Variants in PARD3 observed in about 807,000 individuals in gnomAD.
PARD3 encodes the protein par-3 family cell polarity regulator.
A neutral mutation model predicts 155.4 loss-of-function variants in PARD3; 75 were observed. The ratio of observed to expected loss-of-function variants is 0.48; its 90% CI spans 0.40 to 0.58. The LOEUF (loss-of-function observed/expected upper bound fraction) is 0.58, where lower values mean the gene tolerates loss of function less well. Among genes scored for constraint, PARD3 ranks in the 20% least tolerant of loss-of-function variants. The probability of loss-of-function intolerance (pLI) is 0.00; values close to 1 mark genes in which losing one functional copy is unlikely to be tolerated. For synonymous variants in PARD3, 576 were observed against 610.5 expected (o/e 0.94, Z 0.83); for missense variants, 1,642 against 1,721.7 (o/e 0.95, Z 0.82).
At chr10:34,298,489 C>G (rs1262746340) in intron 20 of PARD3, among the ~76,000 whole-genome samples, 2 of 152,150 alleles carry the variant, frequency 1.3e-5, no homozygotes, top group African/African-American at 4.8e-5. Flanking sequence ...TGAAATCAAT[C>G]AATGGCAAGA....
intron 1 of PARD3, among the ~76,000 whole-genome samples, chr10:34,787,461 C>T (rs867771729): frequency 1.3e-5 from 2 of 152,130 alleles, no homozygotes; most frequent in South Asian, 2.1e-4. Context: ...AAGTTACCCA[C>T]GTCCGTAAGA....
chr10:34,437,897 AT>A (rs2076268348), intron 5 of PARD3, among the ~76,000 whole-genome samples: 1 of 152,242 alleles, frequency 6.6e-6, no homozygotes, highest in Non-Finnish European at 1.5e-5. Flanking sequence ...AACATCTTAA[AT>A]ATTTAATTAA....
chr10:34,639,949 A>G (rs553088144), intron 2 of PARD3, among the ~76,000 whole-genome samples: 1 of 152,350 alleles, frequency 6.6e-6, no homozygotes, highest in East Asian at 1.9e-4. Context: ...CACCTAGCAC[A>G]TGGGTTATAT....
intron 2 of PARD3, among the ~76,000 whole-genome samples, chr10:34,654,445 C>A (rs2093108935): frequency 6.6e-6 from 1 of 152,214 alleles, no homozygotes; most frequent in African/African-American, 2.4e-5. Context: ...CAACAGAATC[C>A]AAACTCTCTG....
chr10:34,728,814 G>A (rs1295707976), intron 1 of PARD3, among the ~76,000 whole-genome samples: 1 of 152,156 alleles, frequency 6.6e-6, no homozygotes, highest in African/African-American at 2.4e-5. Flanking sequence ...TAATATTCTA[G>A]GTTTCATATC....
intron 22 of PARD3, among the ~76,000 whole-genome samples, chr10:34,237,261 T>C (rs1370457034): frequency 6.6e-6 from 1 of 152,236 alleles, no homozygotes; most frequent in Admixed American, 6.5e-5. Context: ...GTTTAAGCAC[T>C]ACACTGCCTA....
intron 3 of PARD3, among the ~76,000 whole-genome samples, chr10:34,499,447 G>C (rs546673710): frequency 6.6e-6 from 1 of 151,982 alleles, no homozygotes; most frequent in African/African-American, 2.4e-5. Context: ...AGTTATTTGC[G>C]AGGTTTCCAT....
intron 2 of PARD3, among the ~76,000 whole-genome samples, chr10:34,517,619 G>T (rs1460080957): frequency 6.6e-6 from 1 of 152,026 alleles, no homozygotes; most frequent in Non-Finnish European, 1.5e-5. Flanking sequence ...TAAGATACAT[G>T]CTAAAGACAA....
At chr10:34,172,335 T>C (rs2133127280) in intron 22 of PARD3, among the ~76,000 whole-genome samples, 2 of 152,290 alleles carry the variant, frequency 1.3e-5, no homozygotes, top group Middle Eastern at 3.4e-3. Flanking sequence ...CATAGTACTA[T>C]AAAACTTCAT....
intron 1 of PARD3, among the ~76,000 whole-genome samples, chr10:34,810,889 A>G (rs551579531): frequency 3.2e-4 from 49 of 152,262 alleles, no homozygotes; most frequent in African/African-American, 1.2e-3. Flanking sequence ...GGTGTACCCA[A>G]GGTTAAATGG....
intron 24 of PARD3, 117 bp downstream of exon 24, chr10:34,119,496 T>C: frequency 1.9e-6 from 2 of 1,051,394 alleles, no homozygotes; most frequent in Non-Finnish European, 2.6e-6. Context: ...GGTTCCTCTG[T>C]TGCTACCAGG....
At chr10:34,540,459 T>C (rs1362310554) in intron 2 of PARD3, among the ~76,000 whole-genome samples, 2 of 152,114 alleles carry the variant, frequency 1.3e-5, no homozygotes, top group East Asian at 1.9e-4. Flanking sequence ...AAGTATACAA[T>C]GTTTCCTTTA....
chr10:34,252,971 T>C (rs1478117172), intron 22 of PARD3, among the ~76,000 whole-genome samples: 2 of 152,156 alleles, frequency 1.3e-5, no homozygotes, highest in African/African-American at 2.4e-5. Context: ...TCTGCAACAG[T>C]GTTCAGCAAG....
intron 3 of PARD3, among the ~76,000 whole-genome samples, chr10:34,473,740 C>T (rs1484119728): frequency 6.6e-6 from 1 of 152,198 alleles, no homozygotes; most frequent in African/African-American, 2.4e-5. Context: ...GTGTTACCTA[C>T]TGTTTCCGTG....
At chr10:34,766,149 G>A (rs371809243) in intron 1 of PARD3, among the ~76,000 whole-genome samples, 33 of 152,276 alleles carry the variant, frequency 2.2e-4, no homozygotes, top group Middle Eastern at 3.4e-3. Context: ...CAATCAACAC[G>A]TTGTACTTGC....
intron 1 of PARD3, among the ~76,000 whole-genome samples, chr10:34,697,140 C>T (rs564093630): frequency 1.3e-5 from 2 of 152,140 alleles, no homozygotes; most frequent in African/African-American, 4.8e-5. Flanking sequence ...TTATACACTT[C>T]TATATGGTGT....
At chr10:34,470,321 G>A in intron 3 of PARD3, 58 bp from the exon 4 acceptor site, 1 of 1,281,336 alleles carries the variant, frequency 7.8e-7, no homozygotes, top group South Asian at 1.7e-5. Context: ...TAAACTACAT[G>A]TTAGGAGAAC....
intron 22 of PARD3, among the ~76,000 whole-genome samples, chr10:34,141,151 T>C (rs1025596584): frequency 3.3e-5 from 5 of 152,222 alleles, no homozygotes; most frequent in African/African-American, 9.6e-5. Flanking sequence ...CCCTGAATTA[T>C]AGAGAAAGTC....
chr10:34,247,119 A>G (rs1954005526), intron 22 of PARD3, among the ~76,000 whole-genome samples: 1 of 152,182 alleles, frequency 6.6e-6, no homozygotes, highest in Admixed American at 6.5e-5. Flanking sequence ...AGTAATACAA[A>G]ATGTATAATG....
Sources: gnomAD v4.1 joint callset for allele counts (sites outside exome capture counted in the v4.1 genomes callset) on GRCh38, gnomAD v4.1.1 for gene constraint, MANE v1.5 for transcripts, NCBI Gene and HGNC (gene_info 2026-07-23, HGNC 2026-07-21) for gene names.